Variants in ZNF331 observed in about 807,000 individuals in gnomAD.
ZNF331 encodes zinc finger protein 331.
ZNF331 carries 2 observed loss-of-function variants against 7.0 expected under a neutral mutation model. The ratio of observed to expected loss-of-function variants is 0.29; its 90% confidence interval spans 0.12 to 0.90. The LOEUF (loss-of-function observed/expected upper bound fraction) is 0.90. Among genes scored for constraint, ZNF331 ranks in the 40% least tolerant of loss-of-function variants. ZNF331 has a pLI of 0.58. For synonymous variants in ZNF331, 196 were observed against 205.4 expected, an observed-to-expected ratio of 0.95 and a Z score of 0.39; for missense variants, 432 against 587.7, an observed-to-expected ratio of 0.74 and a Z score of 2.74.
At position 53,558,126 on chromosome 19, in the gene ZNF331, A is replaced by C. The variant is rs1303750993; in HGVS notation, c.-74+2218A>C. Among the ~76,000 whole-genome samples, 1 of 152,216 alleles carries C rather than the reference A, an allele frequency of 6.6e-6. No homozygotes were observed. Among genetic ancestry groups the C allele is most frequent in the African/African-American group, 2.4e-5 (1 of 41,468 alleles). On this transcript the variant is annotated intron_variant, in intron 3 of 5. Transcript: ENST00000449416. This position sits in a 1 kb window ranked among gnomAD's most constrained non-coding sequence, Gnocchi z 4.5. ...TGTCCCACTCTGCCCCACTAGCCAC[A>C]AGACCAGGCCTCTGGGACATCTTGC...
At chr19:53,531,068 T>C (rs1471958611) in intron 2 of ZNF331, among the ~76,000 whole-genome samples, 6 of 152,176 alleles carry the variant, frequency 3.9e-5, no homozygotes, top group African/African-American at 1.2e-4. Flanking sequence ...TATTTTCTAA[T>C]GTAGGCTGCG....
chr19:53,575,350 C>G (rs187632923), intron 5 of ZNF331, among the ~76,000 whole-genome samples: 1 of 152,218 alleles, frequency 6.6e-6, no homozygotes, highest in African/African-American at 2.4e-5. Flanking sequence ...TGCTGTTTCT[C>G]AGTCCTTTGC....
At chr19:53,546,865 G>A (rs934164783) in intron 2 of ZNF331, among the ~76,000 whole-genome samples, 1 of 152,102 alleles carries the variant, frequency 6.6e-6, no homozygotes, top group Non-Finnish European at 1.5e-5. Context: ...GACAGCTTCT[G>A]TTTTTCTTCA....
At chr19:53,537,036 G>A (rs920999236), upstream of ZNF331, among the ~76,000 whole-genome samples, 2 of 152,042 alleles carry the variant, frequency 1.3e-5, no homozygotes, top group East Asian at 3.9e-4. Context: ...CAGGTGAAAG[G>A]TACACAAGAT....
chr19:53,532,684 TG>T (rs1406586949), intron 2 of ZNF331, among the ~76,000 whole-genome samples: 1 of 152,234 alleles, frequency 6.6e-6, no homozygotes, highest in Non-Finnish European at 1.5e-5. Flanking sequence ...CTGTATTATT[TG>T]TTCAATCTTT....
chr19:53,513,979 TA>T, the ZNF331 span, among the ~76,000 whole-genome samples: 2 of 152,144 alleles, frequency 1.3e-5, no homozygotes, highest in Non-Finnish European at 2.9e-5. Flanking sequence ...GTTCCTTATA[TA>T]TTTTGGATAT....
chr19:53,566,044 C>G (rs998050510), intron 3 of ZNF331, among the ~76,000 whole-genome samples: 7 of 152,118 alleles, frequency 4.6e-5, no homozygotes, highest in Non-Finnish European at 7.3e-5. Flanking sequence ...TCTAGATGGA[C>G]TCAACAGGAC....
rs916933370 is a variant in ZNF331, at chr19:53,571,042, G to A, written c.10-562G>A. Among the ~76,000 whole-genome samples the A allele has an allele frequency of 3.3e-5, 5 of 151,424 alleles. No individual in the cohort carries two copies. The highest frequency in any genetic ancestry group is 9.7e-5 in the African/African-American group (4 of 41,200). On this transcript the variant is annotated intron_variant, in intron 4 of 5. Transcript: ENST00000449416. This position sits in a 1 kb window ranked among gnomAD's most constrained non-coding sequence, Gnocchi z 4.7. ...CCCGGCTAATTTTTTTGTATTTTTA[G>A]TAGAGATGGGGTTTCACCATGTTTG...
chr19:53,563,888 A>AG, intron 3 of ZNF331: 1 of 152,010 alleles, frequency 6.6e-6, no homozygotes, highest in African/African-American at 2.4e-5. Flanking sequence ...TACAAAAATT[A>AG]GCCGGGCGTG....
intron 3 of ZNF331, among the ~76,000 whole-genome samples, chr19:53,565,520 T>C (rs1171445563): frequency 2.0e-5 from 3 of 152,018 alleles, no homozygotes; most frequent in Non-Finnish European, 2.9e-5. Context: ...TTTATCCTTT[T>C]TTATTTTTAT....
intron 2 of ZNF331, among the ~76,000 whole-genome samples, chr19:53,545,949 G>A (rs1259608688): frequency 2.0e-5 from 3 of 151,980 alleles, no homozygotes; most frequent in African/African-American, 7.2e-5. Context: ...GTAAATACAC[G>A]TTAGTCCCCA....
chr19:53,511,155 C>T, the ZNF331 span, among the ~76,000 whole-genome samples: 1 of 152,022 alleles, frequency 6.6e-6, no homozygotes. Flanking sequence ...ATCTAACCCA[C>T]GCATGCAGCA....
At chr19:53,564,961 T>C (rs764434680) in intron 3 of ZNF331, among the ~76,000 whole-genome samples, 26 of 152,240 alleles carry the variant, frequency 1.7e-4, no homozygotes, top group African/African-American at 6.3e-4. Flanking sequence ...TTTTGAACAT[T>C]CTTAGGCATG....
intron 3 of ZNF331, among the ~76,000 whole-genome samples, chr19:53,568,138 A>G (rs1474655814): frequency 6.6e-6 from 1 of 151,612 alleles, no homozygotes. Flanking sequence ...AGTCCCAGCT[A>G]CTCAGGAGGC....
chr19:53,570,194 T>G (rs1445450184), intron 4 of ZNF331, among the ~76,000 whole-genome samples: 1 of 147,856 alleles, frequency 6.8e-6, no homozygotes, highest in African/African-American at 2.5e-5. Flanking sequence ...AGATGGAGGT[T>G]GCAGTGAGCC....
upstream of ZNF331, among the ~76,000 whole-genome samples, chr19:53,535,335 A>T (rs1324135647): frequency 6.6e-6 from 1 of 152,128 alleles, no homozygotes; most frequent in Non-Finnish European, 1.5e-5. Context: ...CCAGTGATCC[A>T]CCTGCCTTGG....
At chr19:53,537,159 A>T (rs2147291468), upstream of ZNF331, 1 of 152,464 alleles carries the variant, frequency 6.6e-6, no homozygotes, top group African/African-American at 2.4e-5. Flanking sequence ...ATTGTGTACA[A>T]CTATAGCTAC....
At chr19:53,518,164 C>G (rs1405130888), upstream of ZNF331, among the ~76,000 whole-genome samples, 1 of 152,200 alleles carries the variant, frequency 6.6e-6, no homozygotes, top group Non-Finnish European at 1.5e-5. Flanking sequence ...AGGTGGGATA[C>G]CTTTGCTTGC....
chr19:53,523,180 A>G (rs2087152710), intron 2 of ZNF331: 1 of 152,036 alleles, frequency 6.6e-6, no homozygotes, highest in Non-Finnish European at 1.5e-5. Context: ...TGTCATGAGG[A>G]CATTTAAACT....
Sources: gnomAD v4.1 joint callset for allele counts (sites outside exome capture counted in the v4.1 genomes callset) on GRCh38, gnomAD v4.1.1 for gene constraint, Gnocchi (gnomAD v3.1) non-coding constraint, MANE v1.5 for transcripts, NCBI Gene and HGNC (gene_info 2026-07-23, HGNC 2026-07-21) for gene names.